The following CNTNAP2 variants were observed in gnomAD, a reference collection of about 807,000 sequenced individuals.
The protein encoded by CNTNAP2 is contactin-associated protein-like 2.
Under a neutral mutation model 155.2 loss-of-function variants are expected in CNTNAP2, and 98 were observed. That is an observed-to-expected ratio of 0.63 (90% CI 0.54 to 0.75). The LOEUF (loss-of-function observed/expected upper bound fraction) is 0.75. Ranked by LOEUF, CNTNAP2 falls within the 30% of genes least tolerant of loss-of-function variation. CNTNAP2 has a pLI of 0.00. For missense variants in CNTNAP2, 1,727 were observed against 1,688.1 expected (o/e 1.02, Z -0.40); for synonymous variants, 651 against 631.2 (o/e 1.03, Z -0.47).
chr7:147,353,136 C>T lies in CNTNAP2; in HGVS notation c.1499-42473C>T, dbSNP rs142760744. On this transcript the variant is annotated intron_variant, in intron 9 of 23. Transcript: ENST00000361727. ...GTATATGTATATATACATACATATA[C>T]GTATATGTACATATATATATGTATA... Among the ~76,000 whole-genome samples, 21 of 151,080 alleles carry T rather than the reference C, an allele frequency of 1.4e-4. No individual in the cohort carries two copies. The East Asian group carries it at 3.9e-3, about 28-fold the overall frequency.
intron 23 of CNTNAP2, 30 bp from the exon 24 acceptor site, chr7:148,415,387 A>C: frequency 3.7e-6 from 6 of 1,609,590 alleles, no homozygotes; most frequent in Non-Finnish European, 5.1e-6. Context: ...AGCCCTGTCT[A>C]ACCTCTCGTG....
At chr7:148,155,696 G>A (rs138424264) in intron 17 of CNTNAP2, among the ~76,000 whole-genome samples, 2 of 152,284 alleles carry the variant, frequency 1.3e-5, no homozygotes, top group East Asian at 3.9e-4. Flanking sequence ...TCTCAAAAGG[G>A]CAGAGAAAGA....
At chr7:146,454,435 G>T (rs979752729) in intron 1 of CNTNAP2, among the ~76,000 whole-genome samples, 1 of 152,092 alleles carries the variant, frequency 6.6e-6, no homozygotes, top group African/African-American at 2.4e-5. Context: ...TAATGGTCTA[G>T]CTGATGGTCA....
intron 11 of CNTNAP2, chr7:147,497,116 C>T (rs1356977710): frequency 1.3e-5 from 2 of 152,008 alleles, no homozygotes; most frequent in African/African-American, 2.4e-5. Context: ...TTTGTGAAAT[C>T]GCTGATTTGG....
chr7:147,590,148 C>T (rs1015285126), intron 12 of CNTNAP2, among the ~76,000 whole-genome samples: 8 of 152,146 alleles, frequency 5.3e-5, no homozygotes, highest in African/African-American at 1.9e-4. Context: ...TTGTGAGTCA[C>T]ACAAAAACAG....
At chr7:146,476,492 T>G (rs541189667) in intron 1 of CNTNAP2, among the ~76,000 whole-genome samples, 50 of 152,290 alleles carry the variant, frequency 3.3e-4, no homozygotes, top group Non-Finnish European at 6.6e-4. Context: ...CTTTTTTGTG[T>G]GACTGTAATT....
At position 146,634,864 on chromosome 7, in the gene CNTNAP2, A is replaced by T. The variant is rs111602747; in HGVS notation, c.98-139407A>T. ...TTTGTCACTCATTCCAATTAAACCA[A>T]TGGCACTTAAATTTAACAGGAATGA... On this transcript the variant is annotated intron_variant, in intron 1 of 23. Coordinates refer to ENST00000361727, the MANE Select transcript of CNTNAP2 (RefSeq NM_014141.6). Among the ~76,000 whole-genome samples, 1,519 of 152,316 alleles carry T rather than the reference A, an allele frequency of 1.0e-2. 22 individuals are homozygous for T. The highest frequency in any genetic ancestry group is 0.032 in the African/African-American group (1,341 of 41,564).
At chr7:146,386,159 T>C (rs912024102) in intron 1 of CNTNAP2, among the ~76,000 whole-genome samples, 3 of 152,130 alleles carry the variant, frequency 2.0e-5, no homozygotes, top group African/African-American at 4.8e-5. Flanking sequence ...TATTTACTAG[T>C]ATTTCTGAAT....
At chr7:146,906,280 G>C (rs1437411567) in intron 3 of CNTNAP2, among the ~76,000 whole-genome samples, 4 of 152,192 alleles carry the variant, frequency 2.6e-5, no homozygotes, top group South Asian at 2.1e-4. Context: ...CCAGGAAGCT[G>C]GAACTGGGTG....
At chr7:148,355,154 A>G (rs1049255371) in intron 21 of CNTNAP2, among the ~76,000 whole-genome samples, 1 of 129,752 alleles carries the variant, frequency 7.7e-6, no homozygotes, top group Non-Finnish European at 1.6e-5. Flanking sequence ...TTCATGCATC[A>G]GCCGCCAGCT....
At chr7:146,191,737 AAGAAG>A (rs1798709020) in intron 1 of CNTNAP2, among the ~76,000 whole-genome samples, 1 of 152,186 alleles carries the variant, frequency 6.6e-6, no homozygotes. Flanking sequence ...TCACTTTTGT[AAGAAG>A]AGAAGTATGG....
intron 1 of CNTNAP2, among the ~76,000 whole-genome samples, chr7:146,156,758 C>T (rs1798132595): frequency 6.6e-6 from 1 of 152,148 alleles, no homozygotes; most frequent in African/African-American, 2.4e-5. Flanking sequence ...ACCTGCCCCA[C>T]ACCTGGCTAA....
chr7:147,117,433 G>A (rs1801013087), intron 5 of CNTNAP2, among the ~76,000 whole-genome samples: 1 of 152,098 alleles, frequency 6.6e-6, no homozygotes, highest in South Asian at 2.1e-4. Flanking sequence ...GTAGGCTGTA[G>A]CCCCATCCTG....
At chr7:146,550,939 T>G (rs771942737) in intron 1 of CNTNAP2, among the ~76,000 whole-genome samples, 1 of 152,034 alleles carries the variant, frequency 6.6e-6, no homozygotes, top group Admixed American at 6.6e-5. Flanking sequence ...AGGAGAGGTT[T>G]ATAAGCAGGA....
intron 17 of CNTNAP2, among the ~76,000 whole-genome samples, chr7:148,161,353 T>C (rs1433049977): frequency 1.3e-5 from 2 of 152,322 alleles, no homozygotes; most frequent in East Asian, 1.9e-4. Flanking sequence ...AGTTCAAGCA[T>C]ATTCCCTTGA....
At chr7:148,170,440 G>A (rs1805765316) in intron 17 of CNTNAP2, among the ~76,000 whole-genome samples, 1 of 152,178 alleles carries the variant, frequency 6.6e-6, no homozygotes, top group Non-Finnish European at 1.5e-5. Flanking sequence ...TCAGGCAAAG[G>A]CCCTCATTCT....
chr7:147,097,071 C>G (rs1478644130), intron 4 of CNTNAP2, among the ~76,000 whole-genome samples: 1 of 152,134 alleles, frequency 6.6e-6, no homozygotes, highest in Non-Finnish European at 1.5e-5. Flanking sequence ...TGCATAACCT[C>G]AAAAGATACT....
rs932277806 is a variant in CNTNAP2, at chr7:147,401,787, A to G, written c.1670+6007A>G. Among the ~76,000 whole-genome samples, 8 of 152,262 alleles carry G rather than the reference A, an allele frequency of 5.3e-5. No individual in the cohort carries two copies. The South Asian group carries it at 1.7e-3, about 32-fold the overall frequency. ...TTCACTCACTCTCTCTCCTGCTGCC[A>G]TGTAAGATGTGCCTTGCTTCCCCTT... On this transcript the variant is annotated intron_variant, in intron 10 of 23. Coordinates refer to ENST00000361727, the MANE Select transcript of CNTNAP2 (RefSeq NM_014141.6).
chr7:147,007,412 C>A (rs1411228389), intron 3 of CNTNAP2, among the ~76,000 whole-genome samples: 1 of 152,072 alleles, frequency 6.6e-6, no homozygotes, highest in Non-Finnish European at 1.5e-5. Flanking sequence ...ATCTACCTGT[C>A]TATCTAGCTA....
Sources: allele counts gnomAD v4.1 joint callset (sites outside exome capture counted in the v4.1 genomes callset), GRCh38; gene constraint gnomAD v4.1.1; transcripts MANE v1.5; gene names NCBI Gene and HGNC (gene_info 2026-07-23, HGNC 2026-07-21).